Variants in SLC15A1 observed in about 807,000 individuals in gnomAD.
The protein encoded by SLC15A1 is Caco-2 oligopeptide transporter.
SLC15A1 carries 83 observed loss-of-function variants against 92.9 expected under a neutral mutation model. The ratio of observed to expected loss-of-function variants is 0.89; its 90% confidence interval spans 0.75 to 1.07. SLC15A1 has a LOEUF of 1.07. Among genes scored for constraint, SLC15A1 ranks in the 50% least tolerant of loss-of-function variants. The pLI is 0.00. For missense variants in SLC15A1, 857 were observed against 880.1 expected (o/e 0.97, Z 0.33); for synonymous variants, 322 against 318.2 (o/e 1.01, Z -0.13).
chr13:98,736,985 A>G (rs2088400108), intron 1 of SLC15A1, among the ~76,000 whole-genome samples: 1 of 152,222 alleles, frequency 6.6e-6, no homozygotes, highest in South Asian at 2.1e-4. Context: ...CAGCCATCCC[A>G]TTACTGGGTA....
intron 1 of SLC15A1, among the ~76,000 whole-genome samples, chr13:98,728,331 GC>G (rs1414086911): frequency 6.6e-6 from 1 of 152,066 alleles, no homozygotes; most frequent in African/African-American, 2.4e-5. Flanking sequence ...GCTTTTCGAG[GC>G]CTTTTGTTGT....
chr13:98,708,339 A>G (rs2088132178), intron 15 of SLC15A1, among the ~76,000 whole-genome samples: 1 of 152,234 alleles, frequency 6.6e-6, no homozygotes, highest in Admixed American at 6.5e-5. Flanking sequence ...CATCAAAAAG[A>G]CCATTTACAC....
chr13:98,729,970 C>T (rs896236103), intron 1 of SLC15A1, among the ~76,000 whole-genome samples: 1 of 151,780 alleles, frequency 6.6e-6, no homozygotes, highest in Non-Finnish European at 1.5e-5. Flanking sequence ...CACCTCCATC[C>T]GAGGTGGGCA....
At chr13:98,689,953 A>G (rs2087961758) in intron 18 of SLC15A1, among the ~76,000 whole-genome samples, 1 of 152,350 alleles carries the variant, frequency 6.6e-6, no homozygotes, top group South Asian at 2.1e-4. Context: ...TCATAGGACC[A>G]TACAGATGGT....
intron 9 of SLC15A1, among the ~76,000 whole-genome samples, chr13:98,713,174 G>A (rs1482777383): frequency 9.2e-5 from 14 of 151,972 alleles, no homozygotes; most frequent in Admixed American, 5.9e-4. Context: ...CTCTCAGCTC[G>A]GCCTCCCAAG....
At chr13:98,721,772 C>A in intron 6 of SLC15A1, 32 bp downstream of exon 6, 1 of 1,593,038 alleles carries the variant, frequency 6.3e-7, no homozygotes, top group Non-Finnish European at 8.6e-7. Context: ...GTAGTTCATT[C>A]ACGTGGGCTC....
Position 98,697,925 on chromosome 13 carries a change from T to A in SLC15A1, c.1466+4555A>T, listed in dbSNP as rs187423492. ...CCAGTGCTCCTGTTAGCTCAAAGAA[T>A]GTGCTGAAGAGTTGGTTTTTCAGGA... On this transcript the variant is annotated intron_variant, in intron 18 of 22. Coordinates refer to ENST00000376503, the MANE Select transcript of SLC15A1 (RefSeq NM_005073.4). Among the ~76,000 whole-genome samples, 223 of 152,328 alleles carry A rather than the reference T, an allele frequency of 1.5e-3. 1 individual carries two copies. Among genetic ancestry groups the A allele is most frequent in the Admixed American group, 4.2e-3 (64 of 15,294 alleles).
rs140097193 is a variant in SLC15A1 at position 98,689,444 on chromosome 13, G to A, written c.1467-867C>T. On this transcript the variant is annotated intron_variant, in intron 18 of 22. Transcript: ENST00000376503. ...GTGGGCCAGCCCAGTAACAAGAGAC[G>A]GTTTTTTCAGTCTTTTTTAGAGATG... Among the ~76,000 whole-genome samples the A allele has an allele frequency of 2.6e-3, 401 of 151,962 alleles. 2 individuals are homozygous for A. The highest frequency in any genetic ancestry group is 9.1e-3 in the African/African-American group (378 of 41,440).
At chr13:98,742,838 C>T (rs1326480220) in intron 1 of SLC15A1, among the ~76,000 whole-genome samples, 4 of 152,196 alleles carry the variant, frequency 2.6e-5, no homozygotes, top group South Asian at 2.1e-4. Context: ...TGCAGTGGCA[C>T]GATCATAGCT....
At position 98,741,723 on chromosome 13, in the gene SLC15A1, CAAAA is replaced by C. The variant is rs61421254; in HGVS notation, c.4+10868_4+10871del. Among the ~76,000 whole-genome samples, 341 of 81,878 alleles carry C rather than the reference CAAAA, an allele frequency of 4.2e-3. 2 individuals are homozygous for C. The highest frequency in any genetic ancestry group is 7.0e-3 in the South Asian group (18 of 2,586). 53.7% of individuals were successfully genotyped at this position (81,878 alleles called of 152,430 possible). A position where few individuals can be genotyped will look rare whatever the true frequency, so the allele number is the denominator to read the frequency against. On this transcript the variant is annotated intron_variant, in intron 1 of 22. Coordinates refer to ENST00000376503, the MANE Select transcript of SLC15A1 (RefSeq NM_005073.4). ...TGGGTGACAGAGGGAGACTCCGTCT[CAAAA>C]AAAAAAAAAAAAAAAAAGGCCTCCT...
At chr13:98,730,277 AAGGGGAG>A (rs2088339182) in intron 1 of SLC15A1, among the ~76,000 whole-genome samples, 1 of 11,402 alleles carries the variant, frequency 8.8e-5, no homozygotes, top group Non-Finnish European at 1.7e-4. Flanking sequence ...AGGGGAGGGG[AAGGGGAG>A]GGGAAGGGGA....
intron 18 of SLC15A1, among the ~76,000 whole-genome samples, chr13:98,689,516 G>A (rs1201477117): frequency 2.0e-5 from 3 of 152,216 alleles, no homozygotes; most frequent in Non-Finnish European, 2.9e-5. Flanking sequence ...TACAATCACA[G>A]TTCAATGCAG....
chr13:98,687,489 A>T, intron 21 of SLC15A1, 92 bp downstream of exon 21: 5 of 1,457,630 alleles, frequency 3.4e-6, no homozygotes. Flanking sequence ...TTTTTAAAAA[A>T]TATAGTTATC....
At chr13:98,719,386 A>G in intron 7 of SLC15A1, 66 bp from the exon 8 acceptor site, 1 of 1,150,636 alleles carries the variant, frequency 8.7e-7, no homozygotes, top group Non-Finnish European at 1.3e-6. Context: ...TCCCATTTGT[A>G]AAGATCCCTC....
intron 18 of SLC15A1, among the ~76,000 whole-genome samples, chr13:98,691,034 G>A (rs1455374667): frequency 2.0e-5 from 3 of 151,766 alleles, no homozygotes; most frequent in Admixed American, 1.3e-4. Flanking sequence ...GCATGTATCC[G>A]TACTCCATTC....
chr13:98,712,739 T>C (rs111634798), intron 9 of SLC15A1, among the ~76,000 whole-genome samples, 155 bp from the exon 10 acceptor site: 3,118 of 152,324 alleles, frequency 0.02, 49 homozygotes, highest in Middle Eastern at 0.054. Flanking sequence ...TTATTTCTAT[T>C]AATAGTCTCT....
At chr13:98,699,150 G>A (rs1253858077) in intron 18 of SLC15A1, among the ~76,000 whole-genome samples, 2 of 152,156 alleles carry the variant, frequency 1.3e-5, no homozygotes, top group Admixed American at 1.3e-4. Flanking sequence ...TGTCCCTGGA[G>A]TTTTTGGCTT....
chr13:98,688,825 C>T (rs1189489306), intron 18 of SLC15A1, among the ~76,000 whole-genome samples: 1 of 152,194 alleles, frequency 6.6e-6, no homozygotes, highest in Non-Finnish European at 1.5e-5. Flanking sequence ...GCTCTAAGTA[C>T]TTTGTAAATC....
intron 21 of SLC15A1, among the ~76,000 whole-genome samples, chr13:98,686,602 A>C (rs941781851): frequency 2.6e-5 from 4 of 152,218 alleles, no homozygotes; most frequent in Non-Finnish European, 5.9e-5. Context: ...AAAGCCACCC[A>C]GCCTGGCATA....
Sources: allele counts gnomAD v4.1 joint callset (sites outside exome capture counted in the v4.1 genomes callset), GRCh38; gene constraint gnomAD v4.1.1; transcripts MANE v1.5; gene names NCBI Gene and HGNC (gene_info 2026-07-23, HGNC 2026-07-21).